Variants in CNTNAP3 observed in about 807,000 individuals in gnomAD.
CNTNAP3 encodes the protein contactin-associated protein-like 3.
In CNTNAP3, 36 loss-of-function variants were observed where a neutral mutation model predicts 92.1. The ratio of observed to expected loss-of-function variants is 0.39; its 90% CI spans 0.30 to 0.52. The LOEUF is 0.52. Among genes scored for constraint, CNTNAP3 ranks in the 20% least tolerant of loss-of-function variants. The pLI, the probability that CNTNAP3 is intolerant of heterozygous loss-of-function variation, is 0.76. For synonymous variants in CNTNAP3, 232 were observed against 422.3 expected (o/e 0.55, Z 5.53); for missense variants, 534 against 1,069.6 (o/e 0.50, Z 6.98).
Position 39,133,041 on chromosome 9 carries a change from G to T in CNTNAP3, c.1971C>A (p.Phe657Leu). 1 of 1,550,270 alleles carries T rather than the reference G, an allele frequency of 6.5e-7. No individual in the cohort carries two copies. ...PSGHPRSAVS[F>L]AYAAGAGQLR... ...GCTGCCCCGCGCCCGCTGCGTACGC[G>T]AAGGACACAGCCGAGCGCGGGTGCC... Residue 657 changes from phenylalanine to leucine, a missense_variant, in exon 13 of 24, where the codon TTC (phenylalanine) becomes TTA (leucine). Coordinates refer to ENST00000297668, the MANE Select transcript of CNTNAP3 (RefSeq NM_033655.5).
chr9:39,084,198 T>G (rs1372989251), intron 21 of CNTNAP3, among the ~76,000 whole-genome samples: 1 of 86,446 alleles, frequency 1.2e-5, no homozygotes, highest in Admixed American at 1.2e-4. Flanking sequence ...CACCAAGTTT[T>G]TTTTTTTTTT....
At position 39,106,925 on chromosome 9, in the gene CNTNAP3, G is replaced by A. The variant is rs191216214; in HGVS notation, c.2365+2235C>T. The stretch of plus-strand genomic sequence containing the variant: ...TAATTCTTGAAGATAAAACGGCACA[G>A]AGAATGGCCAGTAAATCAGATACAA... On this transcript the variant is annotated intron_variant, in intron 15 of 23. Coordinates refer to ENST00000297668, the MANE Select transcript of CNTNAP3 (RefSeq NM_033655.5). Among the ~76,000 whole-genome samples, 1,144 of 152,232 alleles carry A rather than the reference G, an allele frequency of 7.5e-3. 21 individuals carry two copies. Among genetic ancestry groups the A allele is most frequent in the South Asian group, 0.052 (252 of 4,822 alleles).
intron 14 of CNTNAP3, among the ~76,000 whole-genome samples, chr9:39,111,239 A>G (rs553119922): frequency 3.9e-5 from 6 of 152,058 alleles, no homozygotes; most frequent in Non-Finnish European, 8.8e-5. Flanking sequence ...GTTAACTATA[A>G]TTTCTCTAGT....
intron 14 of CNTNAP3, among the ~76,000 whole-genome samples, chr9:39,112,787 A>G (rs552520646): frequency 1.0e-3 from 152 of 152,288 alleles, no homozygotes; most frequent in African/African-American, 3.2e-3. Flanking sequence ...CTTCTGGCCA[A>G]TTCAACCTGC....
chr9:39,149,443 G>A (rs980193296), intron 10 of CNTNAP3, among the ~76,000 whole-genome samples: 20 of 151,672 alleles, frequency 1.3e-4, no homozygotes, highest in Non-Finnish European at 2.6e-4. Context: ...TCCACCTCCC[G>A]GGTTCACGCC....
At chr9:39,091,288 AC>A (rs1587702439) in intron 18 of CNTNAP3, among the ~76,000 whole-genome samples, 1 of 152,298 alleles carries the variant, frequency 6.6e-6, no homozygotes, top group African/African-American at 2.4e-5. Flanking sequence ...TAGGAAAAAA[AC>A]ATTCAGTCTT....
intron 18 of CNTNAP3, among the ~76,000 whole-genome samples, chr9:39,091,968 T>C (rs201989316): frequency 0.21 from 30,523 of 148,736 alleles, 457 homozygotes; most frequent in East Asian, 0.31. Flanking sequence ...GTAGTTTGTG[T>C]TAATTTTGTA....
chr9:39,122,247 C>A lies in CNTNAP3; in HGVS notation c.2081-3988G>T, dbSNP rs552386415. Among the ~76,000 whole-genome samples the A allele has an allele frequency of 1.2e-4, 19 of 152,262 alleles. No individual in the cohort carries two copies. The South Asian group carries it at 3.9e-3, about 32-fold the overall frequency. On this transcript the variant is annotated intron_variant, in intron 13 of 23. Transcript: ENST00000297668. ...GCGGGCGCCTGTAGTCCCAGCTACT[C>A]GGGAGGCTGAGGCGGGAGAATGACG... is the stretch of plus-strand genomic sequence containing the variant.
intron 13 of CNTNAP3, among the ~76,000 whole-genome samples, chr9:39,132,339 A>T (rs556044909): frequency 6.6e-6 from 1 of 152,280 alleles, no homozygotes; most frequent in South Asian, 2.1e-4. Context: ...ATGCAGGCAG[A>T]GTTTCCAAAA....
At chr9:39,102,343 C>G (rs577532147) in intron 17 of CNTNAP3, among the ~76,000 whole-genome samples, 154 bp downstream of exon 17, 10 of 152,308 alleles carry the variant, frequency 6.6e-5, no homozygotes, top group Non-Finnish European at 1.5e-4. Context: ...AAGCACACAG[C>G]AAGCTCCTGG....
intron 8 of CNTNAP3, among the ~76,000 whole-genome samples, chr9:39,168,363 AGCAG>A (rs966403039): frequency 2.3e-4 from 33 of 146,630 alleles, no homozygotes; most frequent in Admixed American, 1.6e-3. Flanking sequence ...GAAAATTGAA[AGCAG>A]GCAAATGATT....
At chr9:39,149,039 C>T (rs1435363957) in intron 10 of CNTNAP3, among the ~76,000 whole-genome samples, 2 of 152,070 alleles carry the variant, frequency 1.3e-5, no homozygotes, top group Non-Finnish European at 2.9e-5. Context: ...TGTCTAACCT[C>T]CATATTTCAT....
intron 21 of CNTNAP3, among the ~76,000 whole-genome samples, chr9:39,081,888 C>G (rs1275488969): frequency 6.9e-6 from 1 of 145,066 alleles, no homozygotes; most frequent in Non-Finnish European, 1.5e-5. Flanking sequence ...ACCATCCTGG[C>G]TAACACGGTG....
chr9:39,088,027 T>C (rs549975007), intron 19 of CNTNAP3, among the ~76,000 whole-genome samples: 1 of 152,310 alleles, frequency 6.6e-6, no homozygotes, highest in Non-Finnish European at 1.5e-5. Context: ...TTTTATATAG[T>C]TGTACTATAA....
intron 13 of CNTNAP3, among the ~76,000 whole-genome samples, chr9:39,127,004 C>T (rs1012062340): frequency 1.6e-4 from 24 of 151,770 alleles, no homozygotes; most frequent in African/African-American, 4.8e-4. Flanking sequence ...GACCATATCC[C>T]GGCGAGCCAA....
In CNTNAP3 at chr9:39,066,670, T is replaced by C. The variant is rs926516263; in HGVS notation, c.*7220A>G. Reference sequence around the variant, plus strand: ...GTTTTCTGCTTTTGGTTGGAAGATGTTTCACTGGAAGCATGAAAGATGTTG... The same window carrying C: ...GTTTTCTGCTTTTGGTTGGAAGATGCTTCACTGGAAGCATGAAAGATGTTG... On this transcript the variant is annotated 3_prime_UTR_variant, in exon 24 of 24. Transcript: ENST00000297668. Among the ~76,000 whole-genome samples the C allele has an allele frequency of 1.3e-5, 2 of 152,308 alleles. No individual in the cohort carries two copies. The highest frequency in any genetic ancestry group is 4.8e-5 in the African/African-American group (2 of 41,486).
At position 39,072,982 on chromosome 9, in the gene CNTNAP3, G is replaced by A. The variant is rs1825661551; in HGVS notation, c.*908C>T. ...AATAAAGGATAACTCTGTGTAAGAA[G>A]TATTGTTTGTATCTGGTGGTAAATT... On this transcript the variant is annotated 3_prime_UTR_variant, in exon 24 of 24. Transcript: ENST00000297668. The A allele has an allele frequency of 6.6e-6, 1 of 151,136 alleles. No individual in the cohort carries two copies. Among genetic ancestry groups the A allele is most frequent in the African/African-American group, 2.5e-5 (1 of 39,954 alleles). The allele number at this position is 151,136 out of a possible 1,614,324, so 9.4% of individuals were successfully genotyped here. A position where few individuals can be genotyped will look rare whatever the true frequency, so the allele number is the denominator to read the frequency against.
At chr9:39,105,253 C>A (rs908247329) in intron 15 of CNTNAP3, among the ~76,000 whole-genome samples, 38 of 152,232 alleles carry the variant, frequency 2.5e-4, no homozygotes, top group African/African-American at 8.9e-4. Context: ...TGGTGAAACC[C>A]CGTCTCTACT....
rs1319691507 is a variant in CNTNAP3, at chr9:39,118,166, C to A, written c.2174G>T (p.Gly725Val). 6.2e-6 allele frequency: 10 copies of A among 1,611,524 alleles called. No individual in the cohort carries two copies. Among genetic ancestry groups the A allele is most frequent in the Non-Finnish European group, 8.5e-6 (10 of 1,179,518 alleles). Residue 725 changes from glycine (G) to valine (V), a missense_variant, in exon 14 of 24, where the codon GGA (glycine) becomes GTA (valine). Gly to Val is a moderately radical substitution (Grantham distance 109). Coordinates refer to ENST00000297668, the MANE Select transcript of CNTNAP3 (RefSeq NM_033655.5). ...SLPDAQKCTC[G>V]LEGNCIDSQY... ...AGAATCAATGCAGTTCCCCTCTAATCCACAAGTACACTTTTGAGCATCAGG... is the reference window on the plus strand; with the variant it reads ...AGAATCAATGCAGTTCCCCTCTAATACACAAGTACACTTTTGAGCATCAGG...
Sources: allele counts gnomAD v4.1 joint callset (sites outside exome capture counted in the v4.1 genomes callset), GRCh38; gene constraint gnomAD v4.1.1; transcripts MANE v1.5; gene names NCBI Gene and HGNC (gene_info 2026-07-23, HGNC 2026-07-21).